ZMIZ2: variants seen among roughly 807,000 people sequenced by gnomAD.
ZMIZ2 encodes the protein zinc finger MIZ-type containing 2.
Under a neutral mutation model 93.9 loss-of-function variants are expected in ZMIZ2, and 26 were observed. That is an observed-to-expected ratio of 0.28 (90% CI 0.20 to 0.38). ZMIZ2 has a LOEUF of 0.38. ZMIZ2 is among the 10% of genes least tolerant of loss of function. The pLI is 1.00. For missense variants in ZMIZ2, 1,023 were observed against 1,235.0 expected (o/e 0.83, Z 2.57); for synonymous variants, 485 against 516.4 (o/e 0.94, Z 0.82).
chr7:44,757,321 C>G lies in ZMIZ2; in HGVS notation c.369-57C>G. ...GTGCTGCATGCCTCTGGGGTGAGCA[C>G]AGTCCTGGCCCTCATGAGCCCACGC... On this transcript the variant is annotated intron_variant, in intron 4 of 18. Coordinates refer to ENST00000309315, the MANE Select transcript of ZMIZ2 (RefSeq NM_031449.4). 3 of 1,570,560 alleles carry G rather than the reference C, an allele frequency of 1.9e-6. No homozygotes were observed. In the African/African-American group the frequency reaches 4.1e-5, roughly 21 times the overall value.
Position 44,763,575 on chromosome 7 carries a change from C to T in ZMIZ2, c.1860+162C>T. 1 of 907,522 alleles carries T rather than the reference C, an allele frequency of 1.1e-6. No individual in the cohort carries two copies. Among genetic ancestry groups the T allele is most frequent in the Non-Finnish European group, 1.6e-6 (1 of 613,992 alleles). 56.2% of individuals were successfully genotyped at this position (907,522 alleles called of 1,614,324 possible). On this transcript the variant is annotated intron_variant, in intron 13 of 18. Transcript: ENST00000309315. The surrounding 1 kb of genome is among the most constrained non-coding windows in gnomAD (Gnocchi z 5.6). ...CCAAGGAGGCAGGTGGGCCTGGCTC[C>T]CCCAAGACTAGGCTATTTTTTCTTC...
Position 44,757,182 on chromosome 7 carries a change from A to G in ZMIZ2, c.368+33A>G, listed in dbSNP as rs1401869895. 3.8e-6 allele frequency: 6 copies of G among 1,568,488 alleles called. No homozygotes were observed. The African/African-American group carries it at 6.8e-5, about 18-fold the overall frequency. On this transcript the variant is annotated intron_variant, in intron 4 of 18. Transcript: ENST00000309315. ...AGTTCCCTCACCTGGCAGGTATGCT[A>G]GGAGCCATCAATCTGGCAGGCACCT...
chr7:44,757,615 G>A, intron 5 of ZMIZ2, 54 bp downstream of exon 5: 1 of 1,534,754 alleles, frequency 6.5e-7, no homozygotes, highest in East Asian at 2.3e-5. Context: ...GGGCCTGGGA[G>A]GAGGTACTCA....
intron 5 of ZMIZ2, 106 bp downstream of exon 5, chr7:44,757,667 G>C (rs1385943989): frequency 6.8e-7 from 1 of 1,462,354 alleles, no homozygotes; most frequent in African/African-American, 1.4e-5. Context: ...AATATGCCAG[G>C]GCTCATGAAG....
chr7:44,756,776 GC>G, intron 3 of ZMIZ2, 170 bp from the exon 4 acceptor site: 1 of 876,850 alleles, frequency 1.1e-6, no homozygotes, highest in South Asian at 1.6e-5. Context: ...TTCACAAAAT[GC>G]CCCAACCTCC....
chr7:44,760,631 G>A, intron 9 of ZMIZ2, 38 bp downstream of exon 9: 1 of 1,609,474 alleles, frequency 6.2e-7, no homozygotes, highest in Non-Finnish European at 8.5e-7. Context: ...GGGTGACAAG[G>A]CCAGGGTGGG....
Position 44,758,153 on chromosome 7 carries a change from C to G in ZMIZ2, c.813+45C>G, listed in dbSNP as rs73329074. The G allele has an allele frequency of 1.3e-3, 1,967 of 1,496,412 alleles. 24 individuals are homozygous for G. The African/African-American group carries it at 0.024, about 18-fold the overall frequency. 92.7% of individuals were successfully genotyped at this position (1,496,412 alleles called of 1,614,324 possible). A position where few individuals can be genotyped will look rare whatever the true frequency, so the allele number is the denominator to read the frequency against. On this transcript the variant is annotated intron_variant, in intron 6 of 18. Transcript: ENST00000309315. ...AGTTTGGGGCCTTGGGTACCAACTCCCTCACCCAGGCACTCTTTAGAGCTG... is the reference window on the plus strand; with the variant it reads ...AGTTTGGGGCCTTGGGTACCAACTCGCTCACCCAGGCACTCTTTAGAGCTG...
Position 44,765,813 on chromosome 7 carries a change from C to A in ZMIZ2, c.2242+234C>A. On this transcript the variant is annotated intron_variant, in intron 16 of 18. Coordinates refer to ENST00000309315, the MANE Select transcript of ZMIZ2 (RefSeq NM_031449.4). This position sits in a 1 kb window ranked among gnomAD's most constrained non-coding sequence, Gnocchi z 4.1. ...AGGAAACAGACAGTGGGGCCTCCAC[C>A]CTTCCTTCCCCGTTTGGATTAAGGG... 1 of 1,018,852 alleles carries A rather than the reference C, an allele frequency of 9.8e-7. No homozygotes were observed. Among genetic ancestry groups the A allele is most frequent in the Non-Finnish European group, 1.4e-6 (1 of 724,218 alleles). The allele number at this position is 1,018,852 out of a possible 1,614,324, so 63.1% of individuals were successfully genotyped here.
In ZMIZ2 at chr7:44,761,244, G is replaced by A. The variant is rs904866842; in HGVS notation, c.1241-205G>A. On this transcript the variant is annotated intron_variant, in intron 9 of 18. Transcript: ENST00000309315. The surrounding 1 kb of genome is among the most constrained non-coding windows in gnomAD (Gnocchi z 5.8). Reference sequence around the variant, plus strand: ...GGAGGCAAGACAGAACATCACGACCGAATGCCCAGGCCTCAGGAGAGATGC... The same window carrying A: ...GGAGGCAAGACAGAACATCACGACCAAATGCCCAGGCCTCAGGAGAGATGC... Among the ~76,000 whole-genome samples the A allele has an allele frequency of 3.9e-5, 6 of 152,336 alleles. No homozygotes were observed. The South Asian group carries it at 1.0e-3, about 26-fold the overall frequency.
At chr7:44,759,893 C>A in intron 7 of ZMIZ2, 1 of 545,394 alleles carries the variant, frequency 1.8e-6, no homozygotes, top group Non-Finnish European at 3.2e-6. Context: ...CCCTGGGAGC[C>A]TGGGTGCGCC....
intron 11 of ZMIZ2, 141 bp downstream of exon 11, chr7:44,762,046 GC>G (rs1791246092): frequency 8.7e-7 from 1 of 1,151,060 alleles, no homozygotes; most frequent in South Asian, 1.8e-5. Context: ...CAGGACATGG[GC>G]GGGCCGGCCT....
chr7:44,765,715 A>C lies in ZMIZ2; in HGVS notation c.2242+136A>C, dbSNP rs1791641423. 9 of 1,312,674 alleles carry C rather than the reference A, an allele frequency of 6.9e-6. No individual in the cohort carries two copies. Among genetic ancestry groups the C allele is most frequent in the Non-Finnish European group, 2.1e-6 (2 of 971,690 alleles). The allele number at this position is 1,312,674 out of a possible 1,614,324, so 81.3% of individuals were successfully genotyped here. A position where few individuals can be genotyped will look rare whatever the true frequency, so the allele number is the denominator to read the frequency against. On this transcript the variant is annotated intron_variant, in intron 16 of 18. Transcript: ENST00000309315. The surrounding 1 kb of genome is among the most constrained non-coding windows in gnomAD (Gnocchi z 4.1). The stretch of plus-strand genomic sequence containing the variant: ...GGTTATCAGTGTTGCCACACAAAAC[A>C]TGCCGCGGGGCACCTCCAGCCCCTC...
rs1791366298 is a variant in ZMIZ2 at position 44,763,042 on chromosome 7, A to C, written c.1702+56A>C. The C allele has an allele frequency of 6.5e-7, 1 of 1,543,918 alleles. No individual in the cohort carries two copies. Among genetic ancestry groups the C allele is most frequent in the East Asian group, 2.3e-5 (1 of 44,106 alleles). On this transcript the variant is annotated intron_variant, in intron 12 of 18. Transcript: ENST00000309315. This position sits in a 1 kb window ranked among gnomAD's most constrained non-coding sequence, Gnocchi z 5.6. ...CAGCCATCCCCATTCTGTGTGGCCC[A>C]AGCCCAACAATCCTCCTTGTGGGCA... is the stretch of plus-strand genomic sequence containing the variant.
chr7:44,766,280 A>G lies in ZMIZ2; in HGVS notation c.2359A>G (p.Ile787Val). The G allele has an allele frequency of 6.3e-7, 1 of 1,599,664 alleles. No individual in the cohort carries two copies. The highest frequency in any genetic ancestry group is 8.5e-7 in the Non-Finnish European group (1 of 1,173,106). The change falls in exon 17 of 19, where the codon ATT (isoleucine) becomes GTT (valine). Residue 787 changes from isoleucine (I) to valine (V), a missense_variant. Coordinates refer to ENST00000309315, the MANE Select transcript of ZMIZ2 (RefSeq NM_031449.4). The surrounding 1 kb of genome is among the most constrained non-coding windows in gnomAD (Gnocchi z 4.4). ...GPPPISYQSD[I>V]PSSLLTSEKS... ...ACCCCCCATCTCCTACCAGTCTGAC[A>G]TTCCCAGCAGCCTCCTGACTTCAGA...
chr7:44,757,993 G>A lies in ZMIZ2; in HGVS notation c.698G>A (p.Arg233Gln), dbSNP rs780825629. ...GLSPLAMNPT[R>Q]AAGMTPLYAG... ...TCCCCCTTGGCTATGAACCCCACCC[G>A]GGCAGCAGGAATGACACCCTTGTAT... Residue 233 changes from arginine to glutamine, a missense_variant, in exon 6 of 19, where the codon CGG (arginine) becomes CAG (glutamine). Arg to Gln is a conservative substitution (Grantham distance 43). Transcript: ENST00000309315. 1.2e-5 allele frequency: 20 copies of A among 1,612,554 alleles called. No homozygotes were observed. Among genetic ancestry groups the A allele is most frequent in the South Asian group, 3.3e-5 (3 of 90,556 alleles).
chr7:44,765,921 T>C lies in ZMIZ2; in HGVS notation c.2243-243T>C. Reference sequence around the variant, plus strand: ...CACCTCACACGCGTGGTGCGTTTGTTTGTGGCTGCTCCCATTCCTATAACC... The same window carrying C: ...CACCTCACACGCGTGGTGCGTTTGTCTGTGGCTGCTCCCATTCCTATAACC... On this transcript the variant is annotated intron_variant, in intron 16 of 18. Coordinates refer to ENST00000309315, the MANE Select transcript of ZMIZ2 (RefSeq NM_031449.4). The surrounding 1 kb of genome is among the most constrained non-coding windows in gnomAD (Gnocchi z 4.1). 7.2e-7 allele frequency: 1 copy of C among 1,394,870 alleles called. No homozygotes were observed. Among genetic ancestry groups the C allele is most frequent in the Non-Finnish European group, 9.3e-7 (1 of 1,079,170 alleles). 86.4% of individuals were successfully genotyped at this position (1,394,870 alleles called of 1,614,324 possible).
Position 44,756,168 on chromosome 7 carries a change from C to A in ZMIZ2, c.-62-20C>A. The A allele has an allele frequency of 2.2e-5, 35 of 1,598,734 alleles. 1 individual carries two copies. In the South Asian group the frequency reaches 3.9e-4, roughly 18 times the overall value. On this transcript the variant is annotated intron_variant, in intron 1 of 18. Transcript: ENST00000309315. ...TCCTGGCTGCATCGCAGCTAACATCCCTTCCTTCCTGTCGGGCAGCCAGAG... is the reference window on the plus strand; with the variant it reads ...TCCTGGCTGCATCGCAGCTAACATCACTTCCTTCCTGTCGGGCAGCCAGAG...
rs1262194038 is a variant in ZMIZ2, at chr7:44,759,349, C to G, written c.882C>G (p.Ser294Arg). ...CCAGCACCGCCCAGTTTGCGCCCAGCCCTGGGCAGCCCCCTGCCCCCTCCC... is the reference window on the plus strand; with the variant it reads ...CCAGCACCGCCCAGTTTGCGCCCAGGCCTGGGCAGCCCCCTGCCCCCTCCC... ...YAPSTAQFAPSPGQPPAPSPS... is the reference protein window; with the variant it reads ...YAPSTAQFAPRPGQPPAPSPS... Residue 294 changes from serine (S) to arginine (R), a missense_variant, in exon 7 of 19, where the codon AGC becomes AGG. Physicochemically the swap from Ser to Arg is moderately radical, Grantham distance 110 (BLOSUM62 -1). Coordinates refer to ENST00000309315, the MANE Select transcript of ZMIZ2 (RefSeq NM_031449.4). 6.2e-7 allele frequency: 1 copy of G among 1,604,830 alleles called. No individual in the cohort carries two copies. Among genetic ancestry groups the G allele is most frequent in the Non-Finnish European group, 8.5e-7 (1 of 1,175,982 alleles).
Position 44,759,444 on chromosome 7 carries a change from C to T in ZMIZ2, c.977C>T (p.Thr326Met), listed in dbSNP as rs768887072. 8.9e-6 allele frequency: 14 copies of T among 1,565,026 alleles called. No homozygotes were observed. The highest frequency in any genetic ancestry group is 8.3e-5 in the African/African-American group (6 of 72,330). Reference protein sequence around the residue: ...MTQSLSVPGPTGLHYKPTEQF... With the variant: ...MTQSLSVPGPMGLHYKPTEQF... Reference sequence around the variant, plus strand: ...CAGTCCCTGTCCGTGCCTGGCCCCACGGGACTGCATTATAAGGTAGGGCAG... The same window carrying T: ...CAGTCCCTGTCCGTGCCTGGCCCCATGGGACTGCATTATAAGGTAGGGCAG... Residue 326 changes from threonine to methionine, a missense_variant, in exon 7 of 19, where the codon ACG becomes ATG. Thr to Met is a moderately conservative substitution (Grantham distance 81, BLOSUM62 -1). This residue lies in a region of ZMIZ2 where 656 missense variants were observed against 777.1 expected (regional missense o/e 0.84). Transcript: ENST00000309315.
Sources: gnomAD v4.1 joint callset for allele counts (sites outside exome capture counted in the v4.1 genomes callset) on GRCh38, gnomAD v4.1.1 for gene constraint, gnomAD v4.1.1 regional missense constraint, Gnocchi (gnomAD v3.1) non-coding constraint, MANE v1.5 for transcripts, NCBI Gene and HGNC (gene_info 2026-07-23, HGNC 2026-07-21) for gene names.